Variants in ARHGAP29 observed in about 807,000 individuals in gnomAD.
ARHGAP29 encodes the protein Rho GTPase activating protein 29.
Under a neutral mutation model 122.6 loss-of-function variants are expected in ARHGAP29, and 43 were observed. That is an observed-to-expected ratio of 0.35 (90% CI 0.27 to 0.45). The LOEUF (loss-of-function observed/expected upper bound fraction) is 0.45, where lower values mean the gene tolerates loss of function less well. ARHGAP29 is among the 20% of genes least tolerant of loss of function. ARHGAP29 has a pLI of 1.00. For synonymous variants in ARHGAP29, 506 were observed against 497.1 expected (o/e 1.02, Z -0.24); for missense variants, 1,303 against 1,477.2 (o/e 0.88, Z 1.93).
Position 94,204,014 on chromosome 1 carries a change from T to C in ARHGAP29, c.698-20A>G. ...CCAATTCTGAAAAGTTCAAAGAGGG[T>C]ATCAGAAGGTAAAATCAATTTATTT... On this transcript the variant is annotated intron_variant, in intron 7 of 22. Coordinates refer to ENST00000260526, the MANE Select transcript of ARHGAP29 (RefSeq NM_004815.4). The C allele has an allele frequency of 1.2e-6, 2 of 1,602,210 alleles. No individual in the cohort carries two copies. The highest frequency in any genetic ancestry group is 1.1e-5 in the South Asian group (1 of 90,592).
At chr1:94,244,504 A>C (rs200856454) in intron 1 of ARHGAP29, among the ~76,000 whole-genome samples, 7 of 148,130 alleles carry the variant, frequency 4.7e-5, no homozygotes, top group South Asian at 2.1e-4. Context: ...TACAAAAAAA[A>C]CCGACAGGTT....
chr1:94,292,271 C>T, the ARHGAP29 span, among the ~76,000 whole-genome samples: 185 of 152,280 alleles, frequency 1.2e-3, no homozygotes, highest in African/African-American at 4.2e-3. Flanking sequence ...GTATGCTTCA[C>T]GAAGTTCTCG....
the ARHGAP29 span, among the ~76,000 whole-genome samples, chr1:94,283,265 G>A: frequency 6.6e-6 from 1 of 152,026 alleles, no homozygotes; most frequent in African/African-American, 2.4e-5. Flanking sequence ...TAAACACTGT[G>A]CCATCATTAA....
intron 12 of ARHGAP29, among the ~76,000 whole-genome samples, chr1:94,201,491 T>G (rs1650842963): frequency 6.7e-6 from 1 of 148,272 alleles, no homozygotes; most frequent in African/African-American, 2.5e-5. Flanking sequence ...CTCCCTCCCT[T>G]CTTTCCTTCC....
chr1:94,293,259 G>C, the ARHGAP29 span, among the ~76,000 whole-genome samples: 1 of 152,208 alleles, frequency 6.6e-6, no homozygotes, highest in Non-Finnish European at 1.5e-5. Flanking sequence ...AGCGAGCAAG[G>C]CTCCATGGGC....
At chr1:94,212,095 A>G (rs1651658214) in intron 3 of ARHGAP29, among the ~76,000 whole-genome samples, 1 of 152,212 alleles carries the variant, frequency 6.6e-6, no homozygotes, top group Non-Finnish European at 1.5e-5. Context: ...CCTGGCCAAC[A>G]TGGCAAAACC....
chr1:94,219,812 C>A (rs898764734), intron 3 of ARHGAP29, among the ~76,000 whole-genome samples: 1 of 152,128 alleles, frequency 6.6e-6, no homozygotes, highest in Non-Finnish European at 1.5e-5. Context: ...ACTTATTTTA[C>A]AATTTTAATT....
intron 1 of ARHGAP29, among the ~76,000 whole-genome samples, chr1:94,242,788 G>T (rs986410150): frequency 4.6e-5 from 7 of 151,968 alleles, no homozygotes; most frequent in African/African-American, 1.4e-4. Flanking sequence ...GAGTAAAAAA[G>T]TAAGACCCAA....
At chr1:94,268,795 A>G (rs10158261) in intron 1 of ARHGAP29, among the ~76,000 whole-genome samples, 48,991 of 151,634 alleles carry the variant, frequency 0.32, 8,462 homozygotes, top group South Asian at 0.41. Context: ...AAGAAGATAT[A>G]TATATATATA....
chr1:94,312,747 C>G, the ARHGAP29 span, among the ~76,000 whole-genome samples: 1 of 152,078 alleles, frequency 6.6e-6, no homozygotes, highest in Non-Finnish European at 1.5e-5. Context: ...CTGGCCCCGT[C>G]TTCTTCTTTA....
intron 1 of ARHGAP29, among the ~76,000 whole-genome samples, chr1:94,273,820 A>G (rs1463919199): frequency 6.6e-6 from 1 of 152,110 alleles, no homozygotes; most frequent in Non-Finnish European, 1.5e-5. Flanking sequence ...GTTCTTTCAA[A>G]TGTCAGTGCC....
At chr1:94,300,980 A>G in the ARHGAP29 span, among the ~76,000 whole-genome samples, 217 of 152,324 alleles carry the variant, frequency 1.4e-3, no homozygotes, top group African/African-American at 5.0e-3. Flanking sequence ...TCTGAAGAGG[A>G]TGAAGTGCTT....
At chr1:94,262,094 G>C (rs1267212551) in intron 1 of ARHGAP29, among the ~76,000 whole-genome samples, 1 of 151,982 alleles carries the variant, frequency 6.6e-6, no homozygotes, top group Non-Finnish European at 1.5e-5. Flanking sequence ...TGAGAAAAAA[G>C]GCCACACACC....
intron 1 of ARHGAP29, among the ~76,000 whole-genome samples, chr1:94,273,344 G>A (rs1655063214): frequency 6.6e-6 from 1 of 152,218 alleles, no homozygotes; most frequent in South Asian, 2.1e-4. Flanking sequence ...AAGGGCTTAA[G>A]CAATTTATTT....
intron 1 of ARHGAP29, among the ~76,000 whole-genome samples, chr1:94,254,527 A>C (rs1654251367): frequency 6.6e-6 from 1 of 152,198 alleles, no homozygotes; most frequent in Non-Finnish European, 1.5e-5. Context: ...GAGTCCATGA[A>C]GGCAATACTG....
rs932498810 is a variant in ARHGAP29 at position 94,169,462 on chromosome 1, A to G, written c.*4407T>C. Among the ~76,000 whole-genome samples, 2 of 152,214 alleles carry G rather than the reference A, an allele frequency of 1.3e-5. No homozygotes were observed. Among genetic ancestry groups the G allele is most frequent in the Non-Finnish European group, 2.9e-5 (2 of 68,038 alleles). ...GGGAGGAAGAATGAACAAATTATTT[A>G]GGATTATGGGAGTCAGGTTTCTATG... On this transcript the variant is annotated 3_prime_UTR_variant, in exon 23 of 23. Transcript: ENST00000260526.
chr1:94,288,460 T>C, the ARHGAP29 span, among the ~76,000 whole-genome samples: 56 of 152,366 alleles, frequency 3.7e-4, no homozygotes, highest in African/African-American at 1.3e-3. Context: ...CTGTCCACTC[T>C]GATGATAGTT....
Position 94,170,136 on chromosome 1 carries a change from GA to G in ARHGAP29, c.*3732del, listed in dbSNP as rs373819315. Among the ~76,000 whole-genome samples the G allele has an allele frequency of 3.3e-5, 5 of 152,230 alleles. No individual in the cohort carries two copies. Among genetic ancestry groups the G allele is most frequent in the African/African-American group, 1.2e-4 (5 of 41,530 alleles). On this transcript the variant is annotated 3_prime_UTR_variant, in exon 23 of 23. Transcript: ENST00000260526. ...GAAACAATACATTTACAATCTTTAA[GA>G]ATCTCCTCACAAATTACTTCCTAAT...
chr1:94,313,248 T>C, the ARHGAP29 span, among the ~76,000 whole-genome samples: 11 of 152,182 alleles, frequency 7.2e-5, no homozygotes, highest in Admixed American at 2.0e-4. Context: ...CCCCTAGTTA[T>C]CCATCCACAT....
Sources: gnomAD v4.1 joint callset for allele counts (sites outside exome capture counted in the v4.1 genomes callset) on GRCh38, gnomAD v4.1.1 for gene constraint, MANE v1.5 for transcripts, NCBI Gene and HGNC (gene_info 2026-07-23, HGNC 2026-07-21) for gene names.